Variants in MACF1 observed in about 807,000 individuals in gnomAD.
MACF1 encodes microtubule-actin cross-linking factor 1.
In MACF1, 193 loss-of-function variants were observed where a neutral mutation model predicts 854.8. That is an observed-to-expected ratio of 0.23 (90% CI 0.20 to 0.25). The LOEUF (loss-of-function observed/expected upper bound fraction) is 0.25, where lower values mean the gene tolerates loss of function less well. Ranked by LOEUF, MACF1 falls within the 10% of genes least tolerant of loss-of-function variation. MACF1 has a pLI of 1.00. For synonymous variants in MACF1, 3,185 were observed against 3,226.7 expected (o/e 0.99, Z 0.44); for missense variants, 7,722 against 8,929.1 (o/e 0.86, Z 5.45).
chr1:39,169,810 G>T (rs1201155657), intron 2 of MACF1, among the ~76,000 whole-genome samples: 3 of 124,758 alleles, frequency 2.4e-5, no homozygotes, highest in Non-Finnish European at 3.2e-5. Context: ...GTCTCGCTCT[G>T]TTGCCCAGGC....
intron 58 of MACF1, among the ~76,000 whole-genome samples, chr1:39,404,149 GTAAATAAATAAATAAA>G (rs60859213): frequency 0.04 from 6,005 of 148,524 alleles, 329 homozygotes; most frequent in African/African-American, 0.12. Context: ...AAATAAGTAA[GTAAATAAATAAATAAA>G]TAAATAAATA....
chr1:39,410,683 A>G (rs1233971328), intron 58 of MACF1: 3 of 1,613,720 alleles, frequency 1.9e-6, no homozygotes, highest in Non-Finnish European at 2.5e-6. Context: ...CATGCCACCC[A>G]ACTTCCCAGA....
chr1:39,430,114 G>T, intron 65 of MACF1, 46 bp downstream of exon 65: 1 of 1,573,080 alleles, frequency 6.4e-7, no homozygotes, highest in Non-Finnish European at 8.6e-7. Flanking sequence ...CTTCCTCTTT[G>T]TCAGAATCCT....
At chr1:39,311,135 C>G in intron 26 of MACF1, 135 bp downstream of exon 26, 2 of 898,316 alleles carry the variant, frequency 2.2e-6, no homozygotes, top group Non-Finnish European at 3.3e-6. Flanking sequence ...TTCTTGCAGT[C>G]TATAAATGTC....
chr1:39,187,933 TTTCCC>T lies in MACF1; in HGVS notation c.221-43227_221-43223del, dbSNP rs1200453435. On this transcript the variant is annotated intron_variant, in intron 2 of 93. Transcript: ENST00000361689. ...TCCTTCCTTCCTTCCTTCTTTCCCC[TTTCCC>T]TTCCCTTCCCTTCCCTTCCCTCCCC... 9.0e-3 allele frequency among the ~76,000 whole-genome samples: 828 copies of T among 91,718 alleles called. 4 individuals are homozygous for T. The highest frequency in any genetic ancestry group is 0.017 in the African/African-American group (470 of 27,274). 60.2% of individuals were successfully genotyped at this position (91,718 alleles called of 152,430 possible).
rs1299985839 is a variant in MACF1 at position 39,332,191 on chromosome 1, A to G, written c.5603A>G (p.Gln1868Arg). The change falls in exon 37 of 101, where the codon CAA (glutamine) becomes CGA (arginine). Residue 1868 changes from glutamine to arginine, a missense_variant. Gln to Arg is a conservative substitution (Grantham distance 43). Transcript: ENST00000564288. Reference sequence around the variant, plus strand: ...CTCCCAATTACAGATGCCCTAGAACAAGGTATTGTGTCTACTGAACTAGCA... The same window carrying G: ...CTCCCAATTACAGATGCCCTAGAACGAGGTATTGTGTCTACTGAACTAGCA... ...EILPITDALE[Q>R]GIVSTELAHK... The G allele has an allele frequency of 1.9e-6, 3 of 1,613,978 alleles. No homozygotes were observed. Among genetic ancestry groups the G allele is most frequent in the African/African-American group, 2.7e-5 (2 of 74,932 alleles).
intron 49 of MACF1, among the ~76,000 whole-genome samples, chr1:39,365,917 C>T (rs920056894): frequency 2.0e-5 from 3 of 152,168 alleles, no homozygotes; most frequent in East Asian, 1.9e-4. Flanking sequence ...CTCAAGTAAT[C>T]CACCGACCTT....
chr1:39,291,066 G>A (rs879571786), intron 15 of MACF1, among the ~76,000 whole-genome samples: 3 of 151,598 alleles, frequency 2.0e-5, no homozygotes, highest in Non-Finnish European at 4.4e-5. Flanking sequence ...CTGACTCCTG[G>A]GTTCAAGCCA....
At chr1:39,316,582 G>T in intron 28 of MACF1, 53 bp downstream of exon 28, 3 of 1,543,482 alleles carry the variant, frequency 1.9e-6, no homozygotes, top group Admixed American at 1.9e-5. Context: ...CATTGCTTTG[G>T]GTTAGCAGAG....
At chr1:39,141,098 A>G (rs1310324990) in intron 2 of MACF1, among the ~76,000 whole-genome samples, 2 of 152,028 alleles carry the variant, frequency 1.3e-5, no homozygotes, top group East Asian at 1.9e-4. Flanking sequence ...AGGTTTCACA[A>G]TTTGCTCTAG....
At position 39,319,688 on chromosome 1, in the gene MACF1, A is replaced by G. The variant is rs1292055010; in HGVS notation, c.3970A>G (p.Asn1324Asp). Residue 1324 changes from asparagine to aspartate, a missense_variant, in exon 31 of 101, where the codon AAT (asparagine) becomes GAT (aspartate). Transcript: ENST00000564288. ...GGCCCTATTTGCAGAAATTGAGAGA[A>G]ATCAGACAAAACTGGATCAATGTCA... ...QTALFAEIERNQTKLDQCQKF... is the reference protein window; with the variant it reads ...QTALFAEIERDQTKLDQCQKF... The G allele has an allele frequency of 2.5e-6, 4 of 1,613,722 alleles. No individual in the cohort carries two copies. Among genetic ancestry groups the G allele is most frequent in the Non-Finnish European group, 3.4e-6 (4 of 1,179,788 alleles).
In MACF1 at chr1:39,334,551, A is replaced by G. The variant is rs772351086; in HGVS notation, c.7963A>G (p.Ile2655Val). 9 of 1,614,144 alleles carry G rather than the reference A, an allele frequency of 5.6e-6. No individual in the cohort carries two copies. The highest frequency in any genetic ancestry group is 5.9e-6 in the Non-Finnish European group (7 of 1,180,006). Residue 2655 changes from isoleucine (I) to valine (V), a missense_variant, in exon 37 of 101, where the codon ATT (isoleucine) becomes GTT (valine). Physicochemically the swap from Ile to Val is conservative, Grantham distance 29. Transcript: ENST00000564288. Reference protein sequence around the residue: ...RYLEVIPFSDIKDGVSDKVLT... With the variant: ...RYLEVIPFSDVKDGVSDKVLT... ...TCTAGAAGTAATTCCCTTCTCAGAC[A>G]TTAAAGATGGGGTGAGCGACAAAGT...
intron 2 of MACF1, among the ~76,000 whole-genome samples, chr1:39,177,643 A>C (rs1428083380): frequency 6.6e-6 from 1 of 152,062 alleles, no homozygotes; most frequent in Non-Finnish European, 1.5e-5. Context: ...GTAGGACTGT[A>C]ATCTCCATGC....
At position 39,458,420 on chromosome 1, in the gene MACF1, C is replaced by G; in HGVS notation, c.21126C>G (p.Thr7042=). The change falls in exon 90 of 101, where the codon ACC becomes ACG. Residue 7042 remains threonine (T), a synonymous_variant. Transcript: ENST00000564288. ...AACAGCCTGACGTGGACCGGGTCACCAAGACATACAAAAGGAAAAACATAG... is the reference window on the plus strand; with the variant it reads ...AACAGCCTGACGTGGACCGGGTCACGAAGACATACAAAAGGAAAAACATAG... ...TRKQPDVDRV[T]KTYKRKNIEP... is the part of the protein sequence containing the mutation. The G allele has an allele frequency of 6.2e-7, 1 of 1,614,032 alleles. No individual in the cohort carries two copies. The highest frequency in any genetic ancestry group is 8.5e-7 in the Non-Finnish European group (1 of 1,179,982).
Position 39,336,246 on chromosome 1 carries a change from A to C in MACF1, c.9658A>C (p.Lys3220Gln). 6 of 1,614,146 alleles carry C rather than the reference A, an allele frequency of 3.7e-6. No homozygotes were observed. The highest frequency in any genetic ancestry group is 5.1e-6 in the Non-Finnish European group (6 of 1,180,012). ...TCATCAGGGCAGCAAAAGTGATGAT[A>C]AACTTTGTGGAACTCTCAAATCTGA... is the stretch of plus-strand genomic sequence containing the variant. ...LHHQGSKSDD[K>Q]LCGTLKSEIA... The change falls in exon 37 of 101, where the codon AAA becomes CAA. Residue 3220 changes from lysine (K) to glutamine (Q), a missense_variant. Transcript: ENST00000564288.
At chr1:39,328,455 C>T (rs1379796542) in intron 36 of MACF1, 3 of 152,190 alleles carry the variant, frequency 2.0e-5, no homozygotes, top group South Asian at 4.1e-4. Flanking sequence ...GATGTGTCTC[C>T]TGTATGTGTG....
In MACF1 at chr1:39,108,506, G is replaced by GTTT. The variant is rs778050199; in HGVS notation, c.220+24088_220+24090dup. 2.6e-3 allele frequency among the ~76,000 whole-genome samples: 308 copies of GTTT among 120,622 alleles called. 1 individual carries two copies. The highest frequency in any genetic ancestry group is 3.9e-3 in the Non-Finnish European group (222 of 57,506). The allele number at this position is 120,622 out of a possible 152,430, so 79.1% of individuals were successfully genotyped here. A position where few individuals can be genotyped will look rare whatever the true frequency, so the allele number is the denominator to read the frequency against. On this transcript the variant is annotated intron_variant, in intron 2 of 93. Transcript: ENST00000361689. Reference sequence around the variant, plus strand: ...TTGACAAAGGAGGTGACATGAGAGGGTTTTTTTTTTTTTTTTTTTTTTGAG... The same window carrying GTTT: ...TTGACAAAGGAGGTGACATGAGAGGGTTTTTTTTTTTTTTTTTTTTTTTTTGAG...
intron 2 of MACF1, among the ~76,000 whole-genome samples, chr1:39,242,086 G>A (rs1014908381): frequency 3.3e-5 from 5 of 152,150 alleles, no homozygotes; most frequent in Non-Finnish European, 5.9e-5. Flanking sequence ...CAGTGCTCAC[G>A]CCTGTAATCC....
intron 40 of MACF1, among the ~76,000 whole-genome samples, chr1:39,346,062 CTGTT>C (rs1647038340): frequency 7.1e-6 from 1 of 141,742 alleles, no homozygotes; most frequent in African/African-American, 2.7e-5. Context: ...GAGCAAGACT[CTGTT>C]TGAAAAAAAA....
Sources: allele counts gnomAD v4.1 joint callset (sites outside exome capture counted in the v4.1 genomes callset), GRCh38; gene constraint gnomAD v4.1.1; transcripts MANE v1.5; gene names NCBI Gene and HGNC (gene_info 2026-07-23, HGNC 2026-07-21).